Variants in SMOC1 observed in about 807,000 individuals in gnomAD.
The protein encoded by SMOC1 is SPARC related modular calcium binding 1.
SMOC1 carries 22 observed loss-of-function variants against 56.3 expected under a neutral mutation model. The observed-to-expected ratio is 0.39, with a 90% CI of 0.28 to 0.56. The LOEUF (loss-of-function observed/expected upper bound fraction) is 0.56. SMOC1 is among the 20% of genes least tolerant of loss of function. The pLI, the probability that SMOC1 is intolerant of heterozygous loss-of-function variation, is 0.61. For missense variants in SMOC1, 509 were observed against 565.4 expected, an observed-to-expected ratio of 0.90 and a Z score of 1.01; for synonymous variants, 193 against 215.0, an observed-to-expected ratio of 0.90 and a Z score of 0.89.
chr14:70,006,606 A>T lies in SMOC1; in HGVS notation c.665-4148A>T, dbSNP rs180990272. Among the ~76,000 whole-genome samples the T allele has an allele frequency of 3.9e-5, 6 of 152,350 alleles. No homozygotes were observed. The East Asian group carries it at 1.2e-3, about 29-fold the overall frequency. On this transcript the variant is annotated intron_variant, in intron 7 of 11. Coordinates refer to ENST00000361956, the MANE Select transcript of SMOC1 (RefSeq NM_001034852.3). ...TCAGTTATCTGCTGCTGTGTAACAG[A>T]CTGCTCCGAAATGTACTGGCTTACC... is the stretch of plus-strand genomic sequence containing the variant.
At chr14:69,898,646 G>A (rs1222648404) in intron 1 of SMOC1, among the ~76,000 whole-genome samples, 1 of 151,866 alleles carries the variant, frequency 6.6e-6, no homozygotes, top group Non-Finnish European at 1.5e-5. Context: ...TTATTTCTCA[G>A]AATTTCCATT....
chr14:69,971,132 C>T (rs1883748984), intron 3 of SMOC1, among the ~76,000 whole-genome samples: 1 of 152,214 alleles, frequency 6.6e-6, no homozygotes, highest in Non-Finnish European at 1.5e-5. Context: ...AATTATCCTG[C>T]TTCGGCCTCC....
At position 70,028,399 on chromosome 14, in the gene SMOC1, G is replaced by A. The variant is rs117048200; in HGVS notation, c.1292-1843G>A. On this transcript the variant is annotated intron_variant, in intron 11 of 11. Transcript: ENST00000361956. ...GATTCTGGAGGCAGCTAGCTAGGTC[G>A]GAATTTGCTTTGCCGCATGGAAGCT... Among the ~76,000 whole-genome samples the A allele has an allele frequency of 3.1e-4, 47 of 152,284 alleles. No individual in the cohort carries two copies. The East Asian group carries it at 3.3e-3, about 11-fold the overall frequency.
chr14:69,938,327 G>C (rs529330696), intron 1 of SMOC1, among the ~76,000 whole-genome samples: 16 of 152,130 alleles, frequency 1.1e-4, no homozygotes, highest in Non-Finnish European at 1.8e-4. Flanking sequence ...TGTTGAGGCT[G>C]TTTTGGGCCC....
chr14:69,884,391 A>C (rs1423286089), intron 1 of SMOC1, among the ~76,000 whole-genome samples: 1 of 151,950 alleles, frequency 6.6e-6, no homozygotes, highest in African/African-American at 2.4e-5. Context: ...ATGTTCTCCC[A>C]TTCTCTAGGT....
rs747981433 is a variant in SMOC1, at chr14:70,010,844, C to A, written c.755C>A (p.Ala252Asp). 1.9e-6 allele frequency: 3 copies of A among 1,614,188 alleles called. No homozygotes were observed. Among genetic ancestry groups the A allele is most frequent in the Non-Finnish European group, 2.5e-6 (3 of 1,180,032 alleles). ...PREGIVIPEC[A>D]PGGLYKPVQC... ...GAGGGTATTGTCATCCCTGAATGTG[C>A]CCCTGGGGGACTCTATAAGCCAGTG... The change falls in exon 8 of 12, where the codon GCC becomes GAC. Residue 252 changes from alanine (A) to aspartate (D), a missense_variant. By Grantham distance (126) the Ala-to-Asp change is moderately radical. Transcript: ENST00000361956.
At chr14:69,913,643 G>A (rs1036114031) in intron 1 of SMOC1, among the ~76,000 whole-genome samples, 3 of 152,198 alleles carry the variant, frequency 2.0e-5, no homozygotes, top group Admixed American at 6.5e-5. Flanking sequence ...TGGTGGGGTA[G>A]AATTGATTTA....
chr14:69,999,909 C>G (rs1170060370), intron 7 of SMOC1, among the ~76,000 whole-genome samples: 2 of 152,184 alleles, frequency 1.3e-5, no homozygotes, highest in African/African-American at 4.8e-5. Context: ...GGACACAGCA[C>G]TGGGATGACG....
At chr14:70,016,877 G>C (rs1304396630) in intron 10 of SMOC1, among the ~76,000 whole-genome samples, 2 of 152,308 alleles carry the variant, frequency 1.3e-5, no homozygotes, top group East Asian at 1.9e-4. Flanking sequence ...ATCTGTAGGA[G>C]CTGCCTGTTC....
At chr14:69,922,169 G>A (rs1359450914) in intron 1 of SMOC1, among the ~76,000 whole-genome samples, 1 of 152,232 alleles carries the variant, frequency 6.6e-6, no homozygotes, top group Non-Finnish European at 1.5e-5. Context: ...GGCTAGTAAT[G>A]CAACCTCTGG....
chr14:69,900,068 A>G (rs1884203279), intron 1 of SMOC1, among the ~76,000 whole-genome samples: 1 of 152,210 alleles, frequency 6.6e-6, no homozygotes, highest in South Asian at 2.1e-4. Flanking sequence ...CTCCAGACAC[A>G]CACAAACAGA....
chr14:69,884,830 T>C (rs1415771698), intron 1 of SMOC1, among the ~76,000 whole-genome samples: 1 of 152,244 alleles, frequency 6.6e-6, no homozygotes, highest in Non-Finnish European at 1.5e-5. Context: ...CTTGGTTCTA[T>C]AGCTTTGTAG....
At position 69,913,799 on chromosome 14, in the gene SMOC1, A is replaced by AG. The variant is rs11397330; in HGVS notation, c.99+34023dup. On this transcript the variant is annotated intron_variant, in intron 1 of 11. Coordinates refer to ENST00000361956, the MANE Select transcript of SMOC1 (RefSeq NM_001034852.3). ...AAGCTAGCTCAATACAGCAGCCCTG[A>AG]GAAAAACCCTGGCTAGAGTTTTAAG... 8.0e-3 allele frequency among the ~76,000 whole-genome samples: 1,217 copies of AG among 152,352 alleles called. 17 individuals carry two copies. The highest frequency in any genetic ancestry group is 0.028 in the African/African-American group (1,158 of 41,576).
At chr14:69,884,047 C>T (rs1355934966) in intron 1 of SMOC1, among the ~76,000 whole-genome samples, 1 of 151,422 alleles carries the variant, frequency 6.6e-6, no homozygotes, top group Non-Finnish European at 1.5e-5. Flanking sequence ...GCTGGGACTA[C>T]AGGCGCCCGC....
Position 69,979,123 on chromosome 14 carries a change from A to G in SMOC1, c.526+1158A>G, listed in dbSNP as rs139074953. Among the ~76,000 whole-genome samples the G allele has an allele frequency of 1.1e-3, 160 of 152,286 alleles. 1 individual carries two copies. Among genetic ancestry groups the G allele is most frequent in the African/African-American group, 3.7e-3 (153 of 41,574 alleles). ...TGGAGCCTTGGGCTTGCTGAGGGTC[A>G]TTGTGAAGTTCACAGGCTTGTCCTG... On this transcript the variant is annotated intron_variant, in intron 5 of 11. Transcript: ENST00000361956.
intron 1 of SMOC1, among the ~76,000 whole-genome samples, chr14:69,943,025 G>T (rs1882626410): frequency 6.6e-6 from 1 of 152,096 alleles, no homozygotes; most frequent in Non-Finnish European, 1.5e-5. Context: ...GGGCACAGTG[G>T]AGGAGGGAAG....
At chr14:69,942,338 G>C (rs529874607) in intron 1 of SMOC1, among the ~76,000 whole-genome samples, 13 of 152,230 alleles carry the variant, frequency 8.5e-5, no homozygotes, top group African/African-American at 3.1e-4. Context: ...AGTGCCTATG[G>C]GGGTGTCTGA....
chr14:69,884,318 A>G (rs1327839047), intron 1 of SMOC1, among the ~76,000 whole-genome samples: 1 of 151,936 alleles, frequency 6.6e-6, no homozygotes, highest in Non-Finnish European at 1.5e-5. Context: ...TTTGCTATTA[A>G]GTGATTTGAG....
At chr14:69,992,639 G>C (rs1443659305) in intron 6 of SMOC1, among the ~76,000 whole-genome samples, 166 bp downstream of exon 6, 2 of 152,148 alleles carry the variant, frequency 1.3e-5, no homozygotes, top group African/African-American at 4.8e-5. Flanking sequence ...AAAAAATGCA[G>C]ATCCTCCCAG....
Sources: allele counts gnomAD v4.1 joint callset (sites outside exome capture counted in the v4.1 genomes callset), GRCh38; gene constraint gnomAD v4.1.1; transcripts MANE v1.5; gene names NCBI Gene and HGNC (gene_info 2026-07-23, HGNC 2026-07-21).